The following NAV3 variants were observed in gnomAD, a reference collection of about 807,000 sequenced individuals.
NAV3 encodes neuron navigator 3, also known as pore membrane and/or filament interacting like protein 1.
A neutral mutation model predicts 244.7 loss-of-function variants in NAV3; 87 were observed. The observed-to-expected ratio is 0.36, with a 90% CI of 0.30 to 0.42. The LOEUF (loss-of-function observed/expected upper bound fraction) is 0.42, where lower values mean the gene tolerates loss of function less well. Among genes scored for constraint, NAV3 ranks in the 20% least tolerant of loss-of-function variants. The pLI, the probability that NAV3 is intolerant of heterozygous loss-of-function variation, is 1.00. For synonymous variants in NAV3, 1,126 were observed against 1,042.2 expected, an observed-to-expected ratio of 1.08 and a Z score of -1.55; for missense variants, 2,663 against 2,893.3, an observed-to-expected ratio of 0.92 and a Z score of 1.83.
chr12:77,674,502 C>G (rs1436188325), intron 2 of NAV3, among the ~76,000 whole-genome samples: 1 of 152,094 alleles, frequency 6.6e-6, no homozygotes, highest in Non-Finnish European at 1.5e-5. Context: ...CCCACCTCAG[C>G]CTCCCACGTA....
chr12:78,152,725 A>G lies in NAV3; in HGVS notation c.4785+3806A>G, dbSNP rs1309061294. 2.0e-5 allele frequency among the ~76,000 whole-genome samples: 3 copies of G among 152,012 alleles called. No individual in the cohort carries two copies. In the East Asian group the frequency reaches 5.8e-4, roughly 29 times the overall value. Reference sequence around the variant, plus strand: ...TAACATGCATGTACTTAAATTGATTATAGGGACTTGGTAAAATTACTTATT... The same window carrying G: ...TAACATGCATGTACTTAAATTGATTGTAGGGACTTGGTAAAATTACTTATT... On this transcript the variant is annotated intron_variant, in intron 22 of 39. Transcript: ENST00000397909.
At chr12:77,779,852 C>T (rs532177569) in intron 2 of NAV3, among the ~76,000 whole-genome samples, 3 of 152,098 alleles carry the variant, frequency 2.0e-5, no homozygotes, top group Non-Finnish European at 2.9e-5. Flanking sequence ...AAAGGGGCAG[C>T]GTGGTTGTTT....
At chr12:77,590,556 A>G (rs1869858518) in intron 2 of NAV3, among the ~76,000 whole-genome samples, 1 of 152,128 alleles carries the variant, frequency 6.6e-6, no homozygotes, top group Non-Finnish European at 1.5e-5. Context: ...AAAATAACTA[A>G]CGGGTACTAG....
intron 5 of NAV3, among the ~76,000 whole-genome samples, chr12:77,976,866 A>G (rs749419220): frequency 3.3e-5 from 5 of 151,704 alleles, no homozygotes; most frequent in South Asian, 2.1e-4. Flanking sequence ...TTTAGTAGAG[A>G]CAGGGTTTCA....
At chr12:77,815,898 T>C (rs1002493107) in intron 2 of NAV3, among the ~76,000 whole-genome samples, 1 of 152,174 alleles carries the variant, frequency 6.6e-6, no homozygotes, top group Non-Finnish European at 1.5e-5. Flanking sequence ...TAATATTTTA[T>C]GGTATTTTTG....
intron 2 of NAV3, among the ~76,000 whole-genome samples, chr12:77,705,112 C>G (rs1875735662): frequency 6.6e-6 from 1 of 151,992 alleles, no homozygotes; most frequent in African/African-American, 2.4e-5. Flanking sequence ...AAGAGTAAAA[C>G]AAAACAAAAC....
At chr12:77,860,606 A>G (rs180969931) in intron 1 of NAV3, among the ~76,000 whole-genome samples, 1 of 152,010 alleles carries the variant, frequency 6.6e-6, no homozygotes, top group East Asian at 1.9e-4. Flanking sequence ...TATCCAAACA[A>G]TTAATGCTTA....
chr12:78,094,892 C>T (rs947705894), intron 12 of NAV3, among the ~76,000 whole-genome samples: 11 of 151,582 alleles, frequency 7.3e-5, no homozygotes, highest in African/African-American at 2.7e-4. Flanking sequence ...ACTAAAAATA[C>T]AAAAATTAGC....
chr12:78,187,171 A>G (rs1349149), intron 31 of NAV3, among the ~76,000 whole-genome samples: 59,717 of 151,740 alleles, frequency 0.39, 12,578 homozygotes, highest in Non-Finnish European at 0.48. Flanking sequence ...AAAAGGTATT[A>G]GATTCTAACT....
intron 2 of NAV3, among the ~76,000 whole-genome samples, chr12:77,643,582 A>G (rs755018250): frequency 7.9e-5 from 12 of 151,760 alleles, no homozygotes; most frequent in Non-Finnish European, 1.6e-4. Flanking sequence ...GATTTGGGAA[A>G]CCTTATTTGC....
At chr12:77,884,964 A>C (rs2136660874) in intron 1 of NAV3, among the ~76,000 whole-genome samples, 1 of 152,234 alleles carries the variant, frequency 6.6e-6, no homozygotes, top group Non-Finnish European at 1.5e-5. Flanking sequence ...GTCTTAGAGT[A>C]ATTTTTGTTA....
At chr12:78,067,480 C>T (rs2137554605) in intron 12 of NAV3, among the ~76,000 whole-genome samples, 1 of 152,130 alleles carries the variant, frequency 6.6e-6, no homozygotes, top group Middle Eastern at 3.4e-3. Flanking sequence ...TGAACAGGTT[C>T]TGGACTTCTC....
intron 2 of NAV3, among the ~76,000 whole-genome samples, chr12:77,702,845 T>C (rs1875623427): frequency 4.3e-5 from 1 of 23,308 alleles, no homozygotes; most frequent in Non-Finnish European, 2.2e-4. Flanking sequence ...TGTATTTGCC[T>C]CTATATGAAA....
chr12:77,862,529 C>T (rs1363008137), intron 1 of NAV3, among the ~76,000 whole-genome samples: 2 of 151,674 alleles, frequency 1.3e-5, no homozygotes, highest in African/African-American at 4.8e-5. Context: ...TTTATTTTGG[C>T]TTGATGTTTT....
chr12:77,720,529 C>T (rs1187548011), intron 2 of NAV3, among the ~76,000 whole-genome samples: 1 of 152,134 alleles, frequency 6.6e-6, no homozygotes, highest in Non-Finnish European at 1.5e-5. Flanking sequence ...GCTCTCCATT[C>T]TTTTCAGCAA....
intron 1 of NAV3, 93 bp from the exon 2 acceptor site, chr12:77,940,226 A>G (rs1287688864): frequency 1.1e-6 from 1 of 870,952 alleles, no homozygotes; most frequent in Non-Finnish European, 1.9e-6. Flanking sequence ...GATCCAGAAT[A>G]GCTTCCCTTT....
chr12:78,182,505 T>G (rs1958539851), intron 30 of NAV3, among the ~76,000 whole-genome samples: 1 of 151,994 alleles, frequency 6.6e-6, no homozygotes. Flanking sequence ...TATGATAAGG[T>G]TTGAAGGAGG....
At chr12:78,204,279 A>C (rs1960056491) in intron 38 of NAV3, among the ~76,000 whole-genome samples, 1 of 152,054 alleles carries the variant, frequency 6.6e-6, no homozygotes, top group Admixed American at 6.6e-5. Flanking sequence ...TGGGTGCAGC[A>C]CACCAACATG....
At chr12:77,990,537 T>C (rs1274984159) in intron 5 of NAV3, among the ~76,000 whole-genome samples, 3 of 152,256 alleles carry the variant, frequency 2.0e-5, no homozygotes, top group African/African-American at 7.2e-5. Flanking sequence ...TCTCAGATTT[T>C]AAAACTGTGA....
Sources: gnomAD v4.1 joint callset for allele counts (sites outside exome capture counted in the v4.1 genomes callset) on GRCh38, gnomAD v4.1.1 for gene constraint, MANE v1.5 for transcripts, NCBI Gene and HGNC (gene_info 2026-07-23, HGNC 2026-07-21) for gene names.